The following SCN8A variants were observed in gnomAD, a reference collection of about 807,000 sequenced individuals.
SCN8A encodes sodium voltage-gated channel alpha subunit 8, also known as sodium channel protein type 8 subunit alpha.
A neutral mutation model predicts 184.1 loss-of-function variants in SCN8A; 30 were observed. That is an observed-to-expected ratio of 0.16 (90% CI 0.12 to 0.22). SCN8A has a LOEUF of 0.22. SCN8A is among the 10% of genes least tolerant of loss of function. SCN8A has a pLI of 1.00. For missense variants in SCN8A, 1,057 were observed against 2,498.9 expected, an observed-to-expected ratio of 0.42 and a Z score of 12.30; for synonymous variants, 852 against 907.0, an observed-to-expected ratio of 0.94 and a Z score of 1.09.
chr12:51,726,487 A>G (rs1942157149), intron 12 of SCN8A, among the ~76,000 whole-genome samples: 1 of 152,194 alleles, frequency 6.6e-6, no homozygotes, highest in South Asian at 2.1e-4. Context: ...GACTGAATCC[A>G]AGCAATCTAA....
chr12:51,688,382 C>T (rs974241769), intron 5 of SCN8A, among the ~76,000 whole-genome samples: 1 of 152,126 alleles, frequency 6.6e-6, no homozygotes, highest in African/African-American at 2.4e-5. Flanking sequence ...TTTTGTGGGG[C>T]TCCTGCTGCA....
At chr12:51,718,413 G>A (rs1942000106) in intron 11 of SCN8A, among the ~76,000 whole-genome samples, 1 of 151,300 alleles carries the variant, frequency 6.6e-6, no homozygotes, top group Admixed American at 6.6e-5. Flanking sequence ...TTGAGCCCAG[G>A]GGTTTGAGGC....
intron 12 of SCN8A, among the ~76,000 whole-genome samples, chr12:51,728,513 T>C (rs1201008937): frequency 1.3e-5 from 2 of 152,064 alleles, no homozygotes; most frequent in East Asian, 1.9e-4. Flanking sequence ...GCAGGAAAAT[T>C]GCTTGAACCC....
At chr12:51,782,773 G>A (rs1191562110) in intron 21 of SCN8A, among the ~76,000 whole-genome samples, 1 of 152,176 alleles carries the variant, frequency 6.6e-6, no homozygotes, top group Non-Finnish European at 1.5e-5. Context: ...TGCAGGAGCC[G>A]TTTTGGGAGC....
intron 15 of SCN8A, 63 bp from the exon 16 acceptor site, chr12:51,765,608 C>T: frequency 1.0e-6 from 1 of 957,604 alleles, no homozygotes; most frequent in Non-Finnish European, 1.5e-6. Context: ...TTATTTTAGC[C>T]ATGTGGTGAG....
intron 1 of SCN8A, among the ~76,000 whole-genome samples, chr12:51,658,788 T>C (rs925077709): frequency 1.3e-5 from 2 of 152,230 alleles, no homozygotes; most frequent in Admixed American, 6.5e-5. Context: ...TTTTATGTTA[T>C]GTAAATTTCA....
intron 11 of SCN8A, among the ~76,000 whole-genome samples, chr12:51,710,057 T>G (rs919045411): frequency 2.0e-5 from 3 of 152,034 alleles, no homozygotes; most frequent in African/African-American, 7.2e-5. Context: ...ATTAAACATC[T>G]TATTGAAGGG....
intron 6 of SCN8A, among the ~76,000 whole-genome samples, chr12:51,698,799 A>G (rs1941637331): frequency 6.6e-6 from 1 of 152,260 alleles, no homozygotes; most frequent in African/African-American, 2.4e-5. Flanking sequence ...AAGTATAAAT[A>G]CTGGATTAAT....
Position 51,630,995 on chromosome 12 carries a change from G to A in SCN8A, c.-54-31769G>A, listed in dbSNP as rs544374199. Among the ~76,000 whole-genome samples the A allele has an allele frequency of 1.2e-4, 19 of 152,248 alleles. No individual in the cohort carries two copies. In the South Asian group the frequency reaches 3.9e-3, roughly 32 times the overall value. On this transcript the variant is annotated intron_variant, in intron 1 of 26. Transcript: ENST00000627620. ...TTTCTCTAAAATAATTTGTTACAAA[G>A]CCTTGCTAATGGCAGCTTGCTGTGC...
At chr12:51,647,952 T>G (rs1395682829) in intron 1 of SCN8A, among the ~76,000 whole-genome samples, 1 of 152,188 alleles carries the variant, frequency 6.6e-6, no homozygotes, top group Non-Finnish European at 1.5e-5. Flanking sequence ...CTAGCTATAG[T>G]TCTGTACCAA....
chr12:51,642,073 C>G (rs1403519114), intron 1 of SCN8A, among the ~76,000 whole-genome samples: 1 of 152,164 alleles, frequency 6.6e-6, no homozygotes, highest in East Asian at 1.9e-4. Flanking sequence ...GCACCATGCT[C>G]TGCAGCGTCA....
intron 2 of SCN8A, among the ~76,000 whole-genome samples, chr12:51,679,743 T>TTTTTTTTTTGGGGGG (rs1941295514): frequency 1.6e-5 from 1 of 64,020 alleles, no homozygotes; most frequent in African/African-American, 4.1e-5. Context: ...TTTTTTTTTT[T>TTTTTTTTTTGGGGGG]GAGACGGAGT....
At position 51,786,529 on chromosome 12, in the gene SCN8A, C is replaced by A. The variant is rs776961915; in HGVS notation, c.3943-13C>A. 6.2e-7 allele frequency: 1 copy of A among 1,613,930 alleles called. No individual in the cohort carries two copies. Among genetic ancestry groups the A allele is most frequent in the Non-Finnish European group, 8.5e-7 (1 of 1,179,964 alleles). ...TTCCACCCAACACTGAGCAACCTCC[C>A]CTTCCAATGCAGGTGGTGGTGAATG... On this transcript the variant is annotated splice_polypyrimidine_tract_variant and intron_variant, in intron 21 of 26. Coordinates refer to ENST00000627620, the MANE Select transcript of SCN8A (RefSeq NM_001330260.2).
chr12:51,679,959 C>T (rs1056293450), intron 2 of SCN8A, among the ~76,000 whole-genome samples: 5 of 151,994 alleles, frequency 3.3e-5, no homozygotes, highest in Non-Finnish European at 5.9e-5. Flanking sequence ...CCGCTGACCT[C>T]GTGATCCACT....
chr12:51,637,432 C>CA (rs574421856), intron 1 of SCN8A, among the ~76,000 whole-genome samples: 1 of 152,286 alleles, frequency 6.6e-6, no homozygotes, highest in Non-Finnish European at 1.5e-5. Flanking sequence ...GTTGTTAATG[C>CA]AAAGGAGCAG....
In SCN8A at chr12:51,742,806, T is replaced by A. The variant is rs1006392295; in HGVS notation, c.1999-3097T>A. Among the ~76,000 whole-genome samples the A allele has an allele frequency of 5.9e-5, 9 of 152,178 alleles. 1 individual carries two copies. Among genetic ancestry groups the A allele is most frequent in the African/African-American group, 2.2e-4 (9 of 41,460 alleles). On this transcript the variant is annotated intron_variant, in intron 12 of 26. Transcript: ENST00000627620. ...AACTTTCTATCCGTATCTCTTTCTCTACGTCCTTTTTAAGGCCAATAACTC... is the reference window on the plus strand; with the variant it reads ...AACTTTCTATCCGTATCTCTTTCTCAACGTCCTTTTTAAGGCCAATAACTC...
In SCN8A at chr12:51,684,158, C is replaced by T. The variant is rs775780842; in HGVS notation, c.277-16C>T. ...ACCCATGCTTTAATAATTTCTCTCT[C>T]TTTCTTTCTCCACAGACCTTTGTAG... On this transcript the variant is annotated splice_polypyrimidine_tract_variant and intron_variant, in intron 2 of 26. Coordinates refer to ENST00000627620, the MANE Select transcript of SCN8A (RefSeq NM_001330260.2). The T allele has an allele frequency of 1.6e-6, 2 of 1,253,992 alleles. No individual in the cohort carries two copies. The highest frequency in any genetic ancestry group is 1.5e-5 in the African/African-American group (1 of 67,816). 77.7% of individuals were successfully genotyped at this position (1,253,992 alleles called of 1,614,324 possible).
At chr12:51,627,378 G>A (rs1940101953) in intron 1 of SCN8A, among the ~76,000 whole-genome samples, 1 of 152,140 alleles carries the variant, frequency 6.6e-6, no homozygotes, top group Non-Finnish European at 1.5e-5. Flanking sequence ...AAATATTGAG[G>A]GAATGAATGA....
At chr12:51,762,422 A>G (rs1942775527) in intron 14 of SCN8A, 81 bp from the exon 15 acceptor site, 1 of 1,321,716 alleles carries the variant, frequency 7.6e-7, no homozygotes, top group Middle Eastern at 1.9e-4. Flanking sequence ...GGTTTCTTGG[A>G]CATGTTGTTT....
Sources: allele counts gnomAD v4.1 joint callset (sites outside exome capture counted in the v4.1 genomes callset), GRCh38; gene constraint gnomAD v4.1.1; transcripts MANE v1.5; gene names NCBI Gene and HGNC (gene_info 2026-07-23, HGNC 2026-07-21).